The following FOCAD variants were observed in gnomAD, a reference collection of about 807,000 sequenced individuals.
The protein encoded by FOCAD is KIAA1797.
In FOCAD, 198 loss-of-function variants were observed where a neutral mutation model predicts 225.6. The observed-to-expected ratio is 0.88, with a 90% CI of 0.78 to 0.99. FOCAD has a LOEUF of 0.99. FOCAD is among the 50% of genes least tolerant of loss of function. The pLI is 0.00. For synonymous variants in FOCAD, 897 were observed against 755.0 expected, an observed-to-expected ratio of 1.19 and a Z score of -3.08; for missense variants, 2,713 against 2,123.6, an observed-to-expected ratio of 1.28 and a Z score of -5.46.
At chr9:20,918,767 T>A (rs1006294707) in intron 24 of FOCAD, among the ~76,000 whole-genome samples, 3 of 152,138 alleles carry the variant, frequency 2.0e-5, no homozygotes, top group Non-Finnish European at 2.9e-5. Flanking sequence ...AGACCTTATT[T>A]TAATAAAGCA....
chr9:20,662,204 A>ATGTG (rs3086515), intron 2 of FOCAD, among the ~76,000 whole-genome samples: 25 of 151,088 alleles, frequency 1.7e-4, no homozygotes, highest in African/African-American at 5.8e-4. Flanking sequence ...GTGTGCATAT[A>ATGTG]TGTGTGTGTG....
At position 20,787,460 on chromosome 9, in the gene FOCAD, C is replaced by G. The variant is rs1036997007; in HGVS notation, c.1198-1891C>G. Among the ~76,000 whole-genome samples the G allele has an allele frequency of 7.2e-5, 11 of 152,080 alleles. No homozygotes were observed. The East Asian group carries it at 1.5e-3, about 21-fold the overall frequency. ...GCATGGCTATCCTGAAGTCCTGGCCCTTTAAATTTTATGGTGTTTGTCATT... is the reference window on the plus strand; with the variant it reads ...GCATGGCTATCCTGAAGTCCTGGCCGTTTAAATTTTATGGTGTTTGTCATT... On this transcript the variant is annotated intron_variant, in intron 10 of 43. Coordinates refer to ENST00000338382, the MANE Select transcript of FOCAD (RefSeq NM_001375567.1).
intron 1 of FOCAD, among the ~76,000 whole-genome samples, chr9:20,698,112 T>C (rs944675396): frequency 1.1e-4 from 16 of 152,250 alleles, no homozygotes; most frequent in Non-Finnish European, 2.1e-4. Context: ...AGATCACTTT[T>C]TTTAAAATTG....
chr9:20,946,965 G>A (rs1837243024), intron 30 of FOCAD, 145 bp downstream of exon 30: 1 of 991,476 alleles, frequency 1.0e-6, no homozygotes, highest in Non-Finnish European at 1.4e-6. Flanking sequence ...TTTTCTCACA[G>A]CTGTAGCCAA....
Position 20,907,243 on chromosome 9 carries a change from G to A in FOCAD, c.2718+1G>A. 1 of 1,612,194 alleles carries A rather than the reference G, an allele frequency of 6.2e-7. No individual in the cohort carries two copies. The highest frequency in any genetic ancestry group is 2.2e-5 in the East Asian group (1 of 44,824). On this transcript the variant is annotated splice_donor_variant, in intron 22 of 43. Transcript: ENST00000338382. LOFTEE classifies it high-confidence loss of function. ...TCGAGCTTATCATGCCATTTTACAG[G>A]TAATGAAACCACAGGATAGGTTTGC...
intron 5 of FOCAD, among the ~76,000 whole-genome samples, chr9:20,754,096 G>T (rs1405411968): frequency 6.6e-6 from 1 of 152,022 alleles, no homozygotes; most frequent in African/African-American, 2.4e-5. Context: ...CAGTTAAATT[G>T]TGGATCCTTT....
intron 20 of FOCAD, among the ~76,000 whole-genome samples, chr9:20,884,020 A>G (rs1404234155): frequency 6.6e-6 from 1 of 152,202 alleles, no homozygotes; most frequent in Non-Finnish European, 1.5e-5. Flanking sequence ...GTATGTGAAT[A>G]CAGGAATGAG....
chr9:20,698,556 G>A (rs113419950), intron 1 of FOCAD, among the ~76,000 whole-genome samples: 2,143 of 152,034 alleles, frequency 0.014, 52 homozygotes, highest in African/African-American at 0.047. Context: ...ACACGCCACT[G>A]TGCCTGGCTA....
At chr9:20,725,754 A>G (rs1366189964) in intron 4 of FOCAD, among the ~76,000 whole-genome samples, 1 of 152,170 alleles carries the variant, frequency 6.6e-6, no homozygotes, top group East Asian at 1.9e-4. Context: ...AAGACTTGAC[A>G]TTTGCAATGA....
intron 27 of FOCAD, among the ~76,000 whole-genome samples, chr9:20,932,167 G>A (rs998758422): frequency 6.6e-6 from 1 of 152,126 alleles, no homozygotes; most frequent in East Asian, 1.9e-4. Flanking sequence ...AAGTCTGTGT[G>A]TGTGATATGA....
At chr9:20,725,366 T>G (rs1440003188) in intron 4 of FOCAD, among the ~76,000 whole-genome samples, 1 of 152,222 alleles carries the variant, frequency 6.6e-6, no homozygotes, top group Non-Finnish European at 1.5e-5. Context: ...GAAAAATGAT[T>G]CTAAAATTTT....
intron 4 of FOCAD, among the ~76,000 whole-genome samples, chr9:20,729,753 A>T (rs1826515526): frequency 6.6e-6 from 1 of 152,190 alleles, no homozygotes; most frequent in Non-Finnish European, 1.5e-5. Flanking sequence ...GGTATTTCTC[A>T]GCCTTTCAGC....
chr9:20,950,878 G>A lies in FOCAD; in HGVS notation c.3949-118G>A, dbSNP rs1391090612. On this transcript the variant is annotated intron_variant, in intron 33 of 43. Coordinates refer to ENST00000338382, the MANE Select transcript of FOCAD (RefSeq NM_001375567.1). ...TGATATTACATCTTGTCATAGGACTGCTCGTTGCCAGCCAAGCCACCACCT... is the reference window on the plus strand; with the variant it reads ...TGATATTACATCTTGTCATAGGACTACTCGTTGCCAGCCAAGCCACCACCT... 5 of 773,632 alleles carry A rather than the reference G, an allele frequency of 6.5e-6. No individual in the cohort carries two copies. In the African/African-American group the frequency reaches 8.5e-5, roughly 13 times the overall value. 47.9% of individuals were successfully genotyped at this position (773,632 alleles called of 1,614,324 possible).
intron 35 of FOCAD, among the ~76,000 whole-genome samples, chr9:20,963,869 A>G (rs1019275621): frequency 6.6e-6 from 1 of 152,144 alleles, no homozygotes; most frequent in Non-Finnish European, 1.5e-5. Flanking sequence ...AGAAGTTATT[A>G]CACCTGATTT....
intron 15 of FOCAD, among the ~76,000 whole-genome samples, chr9:20,837,296 G>T (rs1372982549): frequency 6.6e-6 from 1 of 152,010 alleles, no homozygotes; most frequent in Non-Finnish European, 1.5e-5. Flanking sequence ...GTGTCCAGCC[G>T]TGAGTTTCCG....
At chr9:20,839,545 G>A (rs1164645010) in intron 15 of FOCAD, among the ~76,000 whole-genome samples, 1 of 152,034 alleles carries the variant, frequency 6.6e-6, no homozygotes, top group East Asian at 1.9e-4. Context: ...ACAGGTGTGA[G>A]CCACTGCAAC....
At chr9:20,675,968 A>G (rs1400580259) in intron 2 of FOCAD, among the ~76,000 whole-genome samples, 1 of 152,242 alleles carries the variant, frequency 6.6e-6, no homozygotes, top group Non-Finnish European at 1.5e-5. Context: ...TAGAACAACT[A>G]TGGGCAAATA....
chr9:20,967,202 A>G (rs894320804), intron 35 of FOCAD, among the ~76,000 whole-genome samples: 1 of 152,096 alleles, frequency 6.6e-6, no homozygotes, highest in Non-Finnish European at 1.5e-5. Context: ...TCTCTTTAGC[A>G]TATTCTAAAC....
intron 40 of FOCAD, 35 bp from the exon 41 acceptor site, chr9:20,988,297 C>G (rs759632848): frequency 3.0e-6 from 4 of 1,328,364 alleles, no homozygotes; most frequent in Non-Finnish European, 4.3e-6. Flanking sequence ...AAAGGAAAAC[C>G]ATGGTCTAGT....
Sources: allele counts gnomAD v4.1 joint callset (sites outside exome capture counted in the v4.1 genomes callset), GRCh38; gene constraint gnomAD v4.1.1; transcripts MANE v1.5; gene names NCBI Gene and HGNC (gene_info 2026-07-23, HGNC 2026-07-21).